The following LIPC variants were observed in gnomAD, a reference collection of about 807,000 sequenced individuals.
The protein encoded by LIPC is lipase C, hepatic type, also known as hepatic triacylglycerol lipase.
A neutral mutation model predicts 50.7 loss-of-function variants in LIPC; 44 were observed. The ratio of observed to expected loss-of-function variants is 0.87; its 90% CI spans 0.68 to 1.11. The LOEUF (loss-of-function observed/expected upper bound fraction) is 1.11, where lower values mean the gene tolerates loss of function less well. LIPC is among the 50% of genes most tolerant of loss of function. The pLI, the probability that LIPC is intolerant of heterozygous loss-of-function variation, is 0.00. For synonymous variants in LIPC, 271 were observed against 256.4 expected (o/e 1.06, Z -0.54); for missense variants, 697 against 648.2 (o/e 1.08, Z -0.82).
At chr15:58,516,034 T>G (rs1482051258) in intron 1 of LIPC, among the ~76,000 whole-genome samples, 2 of 152,142 alleles carry the variant, frequency 1.3e-5, no homozygotes, top group Non-Finnish European at 2.9e-5. Flanking sequence ...TGCTGACACC[T>G]GGCTAGGCTT....
chr15:58,543,440 T>C (rs41292506), intron 4 of LIPC, among the ~76,000 whole-genome samples: 4,737 of 152,178 alleles, frequency 0.031, 114 homozygotes, highest in Non-Finnish European at 0.047. Flanking sequence ...GGTTTTTCTC[T>C]ACTTCACAAA....
rs1339650482 is a variant in LIPC at position 58,508,750 on chromosome 15, G to A, written c.89-29583G>A. Reference sequence around the variant, plus strand: ...TTTTTTTTTGGACACCTTTTCCTCCGCATTCACATCCTTCTGCCCTCTCCA... The same window carrying A: ...TTTTTTTTTGGACACCTTTTCCTCCACATTCACATCCTTCTGCCCTCTCCA... On this transcript the variant is annotated intron_variant, in intron 1 of 8. Transcript: ENST00000299022. Among the ~76,000 whole-genome samples the A allele has an allele frequency of 5.9e-5, 9 of 151,900 alleles. No individual in the cohort carries two copies. The East Asian group carries it at 7.7e-4, about 13-fold the overall frequency.
intron 1 of LIPC, among the ~76,000 whole-genome samples, chr15:58,489,523 T>C (rs908379529): frequency 1.3e-5 from 2 of 152,116 alleles, no homozygotes; most frequent in African/African-American, 2.4e-5. Flanking sequence ...ACGGTCCTTG[T>C]GCACTCAGTT....
intron 6 of LIPC, among the ~76,000 whole-genome samples, chr15:58,550,116 G>A (rs1459135065): frequency 6.6e-6 from 1 of 152,156 alleles, no homozygotes; most frequent in Non-Finnish European, 1.5e-5. Context: ...AAAAGCTCTT[G>A]GCAGACCTGG....
intron 1 of LIPC, among the ~76,000 whole-genome samples, chr15:58,447,417 G>A (rs1262319403): frequency 6.6e-6 from 1 of 152,142 alleles, no homozygotes; most frequent in African/African-American, 2.4e-5. Flanking sequence ...AAACACACAC[G>A]TATATGAGAA....
chr15:58,432,030 GAAATGGAC>G lies in LIPC; in HGVS notation c.-1_7del, dbSNP rs775738121. 1 of 1,611,972 alleles carries G rather than the reference GAAATGGAC, an allele frequency of 6.2e-7. No individual in the cohort carries two copies. Among genetic ancestry groups the G allele is most frequent in the South Asian group, 1.1e-5 (1 of 91,036 alleles). ...AAGCCTGGACCCCGGGTGAAACGGA[GAAATGGAC>G]ACAAGTCCCCTGTGTTTCTCCATTC... On this transcript the variant is annotated start_lost and 5_prime_UTR_variant, in exon 1 of 9. Transcript: ENST00000299022.
At chr15:58,434,464 C>T (rs1444945806) in intron 1 of LIPC, among the ~76,000 whole-genome samples, 2 of 152,180 alleles carry the variant, frequency 1.3e-5, no homozygotes, top group Admixed American at 6.5e-5. Context: ...AAGTGCCTTG[C>T]CGGCGGTCGC....
intron 1 of LIPC, chr15:58,521,596 G>T (rs772194406): frequency 6.6e-6 from 1 of 152,434 alleles, no homozygotes; most frequent in East Asian, 1.9e-4. Context: ...GTGAACAGAG[G>T]GGACTGGAAG....
chr15:58,434,511 A>G (rs977399961), intron 1 of LIPC, among the ~76,000 whole-genome samples: 2 of 152,210 alleles, frequency 1.3e-5, no homozygotes, highest in Admixed American at 6.5e-5. Context: ...AGGTACCTGC[A>G]GCCTCAATCT....
chr15:58,544,263 A>T (rs1271680456), intron 4 of LIPC, among the ~76,000 whole-genome samples: 2 of 152,174 alleles, frequency 1.3e-5, no homozygotes, highest in Admixed American at 1.3e-4. Context: ...GCTGTGGGTC[A>T]CATTAGGCGT....
intron 7 of LIPC, among the ~76,000 whole-genome samples, chr15:58,562,334 T>G (rs1348274656): frequency 6.6e-6 from 1 of 152,144 alleles, no homozygotes; most frequent in Non-Finnish European, 1.5e-5. Flanking sequence ...AGGCAGGTGG[T>G]GAGGGGCGGA....
At chr15:58,524,001 A>G (rs1488262324) in intron 1 of LIPC, among the ~76,000 whole-genome samples, 1 of 152,210 alleles carries the variant, frequency 6.6e-6, no homozygotes, top group Non-Finnish European at 1.5e-5. Context: ...CAGAAATTAA[A>G]AGAATGTAAA....
Position 58,546,022 on chromosome 15 carries a change from G to C in LIPC, c.808+47G>C, listed in dbSNP as rs36089651. 4.8e-6 allele frequency: 7 copies of C among 1,448,322 alleles called. No homozygotes were observed. In the Admixed American group the frequency reaches 1.2e-4, roughly 24 times the overall value. The allele number at this position is 1,448,322 out of a possible 1,614,324, so 89.7% of individuals were successfully genotyped here. A position where few individuals can be genotyped will look rare whatever the true frequency, so the allele number is the denominator to read the frequency against. The stretch of plus-strand genomic sequence containing the variant: ...GGGAGCACCGGCCTACATTTCAATG[G>C]GGCCTCTGGAATTCAGCGGAATCTA... On this transcript the variant is annotated intron_variant, in intron 5 of 8. Transcript: ENST00000299022.
chr15:58,443,027 C>T (rs1259940376), intron 1 of LIPC, among the ~76,000 whole-genome samples: 3 of 152,334 alleles, frequency 2.0e-5, no homozygotes, highest in East Asian at 1.9e-4. Context: ...ATTCTCATGC[C>T]TCAGCTTCCC....
chr15:58,443,849 G>T (rs545294240), intron 1 of LIPC, among the ~76,000 whole-genome samples: 4 of 152,218 alleles, frequency 2.6e-5, no homozygotes, highest in Non-Finnish European at 5.9e-5. Flanking sequence ...AATGTTTTGC[G>T]GGCAGGGGGT....
intron 1 of LIPC, among the ~76,000 whole-genome samples, chr15:58,457,964 A>T (rs1477882263): frequency 6.6e-6 from 1 of 152,184 alleles, no homozygotes; most frequent in East Asian, 1.9e-4. Flanking sequence ...GGGCTCCTAG[A>T]GTGCATAGGA....
intron 1 of LIPC, among the ~76,000 whole-genome samples, chr15:58,480,519 C>G (rs1024402300): frequency 6.6e-6 from 1 of 151,932 alleles, no homozygotes; most frequent in South Asian, 2.1e-4. Flanking sequence ...GATCCCAAAC[C>G]CCTGACCTCA....
intron 1 of LIPC, among the ~76,000 whole-genome samples, chr15:58,445,755 T>C (rs1467082564): frequency 6.6e-6 from 1 of 152,194 alleles, no homozygotes; most frequent in African/African-American, 2.4e-5. Context: ...CCTCGGTCAG[T>C]CATTAGTAAA....
At chr15:58,500,565 G>A (rs2140835899) in intron 1 of LIPC, among the ~76,000 whole-genome samples, 1 of 152,286 alleles carries the variant, frequency 6.6e-6, no homozygotes, top group East Asian at 1.9e-4. Flanking sequence ...AGAAGATGCT[G>A]TACAATATTT....
Sources: allele counts gnomAD v4.1 joint callset (sites outside exome capture counted in the v4.1 genomes callset), GRCh38; gene constraint gnomAD v4.1.1; transcripts MANE v1.5; gene names NCBI Gene and HGNC (gene_info 2026-07-23, HGNC 2026-07-21).